Variants in PARN observed in about 807,000 individuals in gnomAD.
The protein encoded by PARN is poly(A)-specific ribonuclease PARN.
PARN carries 71 observed loss-of-function variants against 102.8 expected under a neutral mutation model. That is an observed-to-expected ratio of 0.69 (90% CI 0.57 to 0.84). The LOEUF (loss-of-function observed/expected upper bound fraction) is 0.84. Among genes scored for constraint, PARN ranks in the 40% least tolerant of loss-of-function variants. The pLI is 0.00. For synonymous variants in PARN, 261 were observed against 252.9 expected, an observed-to-expected ratio of 1.03 and a Z score of -0.30; for missense variants, 782 against 760.9, an observed-to-expected ratio of 1.03 and a Z score of -0.33.
At chr16:14,625,986 A>G (rs569285794) in intron 5 of PARN, among the ~76,000 whole-genome samples, 1 of 152,354 alleles carries the variant, frequency 6.6e-6, no homozygotes, top group African/African-American at 2.4e-5. Context: ...GAAAGGAAAC[A>G]GTGATATTTA....
intron 22 of PARN, among the ~76,000 whole-genome samples, chr16:14,456,196 G>T (rs1213156920): frequency 6.6e-6 from 1 of 150,888 alleles, no homozygotes; most frequent in African/African-American, 2.4e-5. Context: ...AACTGATGGG[G>T]TCTGGCTCTC....
intron 21 of PARN, among the ~76,000 whole-genome samples, chr16:14,531,864 T>C (rs1966349691): frequency 6.6e-6 from 1 of 151,000 alleles, no homozygotes; most frequent in African/African-American, 2.4e-5. Flanking sequence ...AAAACTTGTA[T>C]TCAACCTGGC....
At chr16:14,456,273 G>A (rs901842995) in intron 22 of PARN, among the ~76,000 whole-genome samples, 27 of 151,752 alleles carry the variant, frequency 1.8e-4, no homozygotes, top group African/African-American at 5.8e-4. Context: ...AGGTTCAAGC[G>A]ATCCTCCTAC....
At chr16:14,555,048 C>T (rs896753060) in intron 19 of PARN, among the ~76,000 whole-genome samples, 3 of 152,146 alleles carry the variant, frequency 2.0e-5, no homozygotes, top group Non-Finnish European at 4.4e-5. Flanking sequence ...AAATATCAGT[C>T]TAATGTGGAG....
intron 6 of PARN, among the ~76,000 whole-genome samples, chr16:14,615,717 A>G (rs1402341723): frequency 6.6e-6 from 1 of 152,134 alleles, no homozygotes; most frequent in Admixed American, 6.6e-5. Flanking sequence ...CCCAGCCAAC[A>G]TAGTGAAACC....
chr16:14,479,066 G>T (rs542718431), intron 22 of PARN, among the ~76,000 whole-genome samples: 1 of 152,090 alleles, frequency 6.6e-6, no homozygotes, highest in Non-Finnish European at 1.5e-5. Flanking sequence ...CACTATGCCC[G>T]GCAACAATGA....
intron 21 of PARN, among the ~76,000 whole-genome samples, chr16:14,546,003 A>G (rs913421101): frequency 6.6e-6 from 1 of 152,246 alleles, no homozygotes; most frequent in African/African-American, 2.4e-5. Context: ...ATATCAAACA[A>G]TACAGAGAAA....
At chr16:14,571,751 C>T (rs1968827150) in intron 18 of PARN, among the ~76,000 whole-genome samples, 1 of 152,156 alleles carries the variant, frequency 6.6e-6, no homozygotes, top group Admixed American at 6.5e-5. Context: ...TTCATCCTCA[C>T]AACAACCCTA....
intron 23 of PARN, among the ~76,000 whole-genome samples, chr16:14,446,094 C>T (rs1961186682): frequency 6.6e-6 from 1 of 152,226 alleles, no homozygotes; most frequent in Non-Finnish European, 1.5e-5. Context: ...GCTGGACCGC[C>T]CCCTGCAGCA....
chr16:14,597,717 T>C (rs1970611407), intron 12 of PARN, among the ~76,000 whole-genome samples: 1 of 151,458 alleles, frequency 6.6e-6, no homozygotes, highest in Admixed American at 6.6e-5. Flanking sequence ...AAAAAATTGA[T>C]CGACATCATG....
chr16:14,480,271 T>C (rs565945485), intron 22 of PARN, among the ~76,000 whole-genome samples: 39 of 152,270 alleles, frequency 2.6e-4, no homozygotes, highest in African/African-American at 8.9e-4. Context: ...GAGGTTGCAG[T>C]GAGCTGAGAT....
chr16:14,550,320 C>G (rs1967214580), intron 21 of PARN, among the ~76,000 whole-genome samples: 1 of 152,222 alleles, frequency 6.6e-6, no homozygotes, highest in African/African-American at 2.4e-5. Context: ...GCATCCACCA[C>G]TATCCCTGGT....
intron 18 of PARN, among the ~76,000 whole-genome samples, chr16:14,557,918 AAC>A (rs1967799066): frequency 6.6e-6 from 1 of 152,178 alleles, no homozygotes; most frequent in Non-Finnish European, 1.5e-5. Flanking sequence ...TTCCAGCATA[AAC>A]GATACACACT....
rs117366788 is a variant in PARN at position 14,567,379 on chromosome 16, C to A, written c.1263-11670G>T. Among the ~76,000 whole-genome samples, 241 of 152,216 alleles carry A rather than the reference C, an allele frequency of 1.6e-3. 5 individuals carry two copies. The East Asian group carries it at 0.036, about 23-fold the overall frequency. On this transcript the variant is annotated intron_variant, in intron 18 of 23. Transcript: ENST00000437198. Reference sequence around the variant, plus strand: ...ATCCAGAAGAGGTTGAAAATGGAGACTATTTTTTAAAGACGTATTTCCTGG... The same window carrying A: ...ATCCAGAAGAGGTTGAAAATGGAGAATATTTTTTAAAGACGTATTTCCTGG...
intron 21 of PARN, among the ~76,000 whole-genome samples, chr16:14,487,685 A>C (rs79356303): frequency 6.6e-6 from 1 of 152,232 alleles, no homozygotes; most frequent in Non-Finnish European, 1.5e-5. Flanking sequence ...AGAAAAAAAA[A>C]TCTCGGTAGA....
intron 18 of PARN, among the ~76,000 whole-genome samples, chr16:14,569,226 TA>T (rs796386573): frequency 1.1e-3 from 157 of 139,626 alleles, no homozygotes; most frequent in Admixed American, 1.6e-3. Flanking sequence ...TATACAAATT[TA>T]AAAAAAAAAA....
At chr16:14,504,589 T>G (rs190238711) in intron 21 of PARN, among the ~76,000 whole-genome samples, 8 of 151,954 alleles carry the variant, frequency 5.3e-5, no homozygotes, top group African/African-American at 1.9e-4. Context: ...AAATAAAAAT[T>G]ACGTGAGGGA....
chr16:14,472,755 T>C (rs1296292222), intron 22 of PARN, among the ~76,000 whole-genome samples: 2 of 152,150 alleles, frequency 1.3e-5, no homozygotes, highest in African/African-American at 4.8e-5. Context: ...AATATAACAT[T>C]TAAGAAAATT....
intron 21 of PARN, among the ~76,000 whole-genome samples, chr16:14,510,178 G>A (rs1010148616): frequency 6.6e-6 from 1 of 152,328 alleles, no homozygotes; most frequent in Admixed American, 6.5e-5. Flanking sequence ...AACAGCAAAG[G>A]CTGGGGGAAT....
Sources: gnomAD v4.1 joint callset for allele counts (sites outside exome capture counted in the v4.1 genomes callset) on GRCh38, gnomAD v4.1.1 for gene constraint, MANE v1.5 for transcripts, NCBI Gene and HGNC (gene_info 2026-07-23, HGNC 2026-07-21) for gene names.